The following NEK1 variants were observed in gnomAD, a reference collection of about 807,000 sequenced individuals.
NEK1 encodes the protein NIMA related kinase 1, also known as serine/threonine-protein kinase Nek1.
Under a neutral mutation model 182.1 loss-of-function variants are expected in NEK1, and 137 were observed. That is an observed-to-expected ratio of 0.75 (90% CI 0.65 to 0.87). NEK1 has a LOEUF of 0.87. NEK1 is among the 40% of genes least tolerant of loss of function. The probability of loss-of-function intolerance (pLI) is 0.00; values close to 1 mark genes in which losing one functional copy is unlikely to be tolerated. For synonymous variants in NEK1, 513 were observed against 492.2 expected (o/e 1.04, Z -0.56); for missense variants, 1,391 against 1,494.4 (o/e 0.93, Z 1.14).
chr4:169,490,331 A>G (rs1237803391), intron 23 of NEK1, among the ~76,000 whole-genome samples: 1 of 152,158 alleles, frequency 6.6e-6, no homozygotes, highest in Admixed American at 6.5e-5. Context: ...TCTATAGGTA[A>G]AATCATCCCC....
chr4:169,558,897 T>C (rs1175703411), intron 16 of NEK1, among the ~76,000 whole-genome samples: 1 of 152,144 alleles, frequency 6.6e-6, no homozygotes, highest in Admixed American at 6.5e-5. Context: ...TATCTTTCTT[T>C]TGGGGAATCT....
chr4:169,600,965 A>C (rs760296728), intron 4 of NEK1, among the ~76,000 whole-genome samples: 15 of 152,230 alleles, frequency 9.9e-5, no homozygotes, highest in African/African-American at 3.6e-4. Context: ...AACTTGAAAT[A>C]TTAAAATTTT....
intron 27 of NEK1, among the ~76,000 whole-genome samples, chr4:169,445,027 G>C (rs1278708665): frequency 1.3e-5 from 2 of 152,078 alleles, no homozygotes; most frequent in African/African-American, 4.8e-5. Flanking sequence ...AAATTAAGAA[G>C]GAAATAAATG....
intron 18 of NEK1, among the ~76,000 whole-genome samples, chr4:169,539,224 T>C (rs753528364): frequency 2.0e-5 from 3 of 152,178 alleles, no homozygotes; most frequent in Admixed American, 6.6e-5. Flanking sequence ...AATGCCTCTG[T>C]AGTGTACCTG....
chr4:169,555,070 A>G (rs1761975230), intron 18 of NEK1: 1 of 152,300 alleles, frequency 6.6e-6, no homozygotes. Flanking sequence ...AAATATGCAT[A>G]TGTGTAAGTC....
chr4:169,492,625 G>C (rs1229681695), intron 23 of NEK1, among the ~76,000 whole-genome samples: 1 of 152,136 alleles, frequency 6.6e-6, no homozygotes, highest in Non-Finnish European at 1.5e-5. Flanking sequence ...TCCAAACTGA[G>C]ATGGCAGTTG....
At chr4:169,437,504 C>T (rs931514946) in intron 28 of NEK1, among the ~76,000 whole-genome samples, 3 of 152,130 alleles carry the variant, frequency 2.0e-5, no homozygotes, top group Non-Finnish European at 4.4e-5. Flanking sequence ...CCCTTTGAAT[C>T]CAGGTTGGGC....
intron 32 of NEK1, among the ~76,000 whole-genome samples, chr4:169,402,308 C>A (rs944463674): frequency 4.6e-5 from 7 of 152,160 alleles, no homozygotes; most frequent in African/African-American, 1.7e-4. Flanking sequence ...TAGCTAGACA[C>A]TATACAAAAG....
intron 31 of NEK1, among the ~76,000 whole-genome samples, chr4:169,410,821 T>G (rs6831487): frequency 0.37 from 56,947 of 152,104 alleles, 11,279 homozygotes; most frequent in African/African-American, 0.49. Flanking sequence ...AAGCAGATCA[T>G]TTTTTTGTCC....
At chr4:169,507,251 T>C in intron 22 of NEK1, 119 bp from the exon 23 acceptor site, 1 of 608,066 alleles carries the variant, frequency 1.6e-6, no homozygotes, top group Non-Finnish European at 2.6e-6. Context: ...GAAGTGTGCA[T>C]GTGGTCTTAG....
intron 23 of NEK1, among the ~76,000 whole-genome samples, chr4:169,495,411 T>G (rs1435219960): frequency 1.3e-5 from 2 of 151,906 alleles, no homozygotes; most frequent in African/African-American, 4.8e-5. Context: ...GACCAGCTAA[T>G]TTTTGTATTT....
At chr4:169,572,226 G>A (rs188182815) in intron 12 of NEK1, among the ~76,000 whole-genome samples, 8 of 152,290 alleles carry the variant, frequency 5.3e-5, no homozygotes, top group Admixed American at 4.6e-4. Context: ...GGAAAGTGAG[G>A]GTGGCTAGGA....
At chr4:169,524,474 A>G (rs554749005) in intron 19 of NEK1, among the ~76,000 whole-genome samples, 2 of 152,044 alleles carry the variant, frequency 1.3e-5, no homozygotes, top group South Asian at 2.1e-4. Flanking sequence ...AAAAAAAAAA[A>G]AAAAAAGAAA....
chr4:169,565,453 A>T (rs1371733679), intron 12 of NEK1, among the ~76,000 whole-genome samples: 7 of 152,214 alleles, frequency 4.6e-5, no homozygotes, highest in African/African-American at 1.7e-4. Flanking sequence ...TTGTTGAAGA[A>T]CAAGAAATAA....
At position 169,508,740 on chromosome 4, in the gene NEK1, T is replaced by G. The variant is rs1180528789; in HGVS notation, c.1749+29A>C. 2.0e-6 allele frequency: 3 copies of G among 1,497,282 alleles called. No homozygotes were observed. The Admixed American group carries it at 6.3e-5, about 31-fold the overall frequency. 92.7% of individuals were successfully genotyped at this position (1,497,282 alleles called of 1,614,324 possible). ...AATAAATTCAAAAATGGCTATGTGA[T>G]GGAGGTAGCGAACATGCGGGAAGCA... On this transcript the variant is annotated intron_variant, in intron 20 of 35. Coordinates refer to ENST00000507142, the MANE Select transcript of NEK1 (RefSeq NM_001199397.3).
At position 169,612,548 on chromosome 4, in the gene NEK1, C is replaced by G. The variant is rs763112279; in HGVS notation, c.-499G>C. On this transcript the variant is annotated 5_prime_UTR_variant, in exon 1 of 36. Coordinates refer to ENST00000507142, the MANE Select transcript of NEK1 (RefSeq NM_001199397.3). ...GAGAGGCCAGGGTAGGGTAAGGACT[C>G]CGCAACCTAGGGTCCCAAAACCCTG... is the stretch of plus-strand genomic sequence containing the variant. The G allele has an allele frequency of 3.9e-5, 6 of 152,174 alleles. No homozygotes were observed. Among genetic ancestry groups the G allele is most frequent in the Non-Finnish European group, 7.3e-5 (5 of 68,102 alleles). The allele number at this position is 152,174 out of a possible 1,614,324, so 9.4% of individuals were successfully genotyped here. A position where few individuals can be genotyped will look rare whatever the true frequency, so the allele number is the denominator to read the frequency against.
intron 31 of NEK1, among the ~76,000 whole-genome samples, chr4:169,409,338 G>T (rs1356323918): frequency 6.6e-6 from 1 of 151,964 alleles, no homozygotes; most frequent in Non-Finnish European, 1.5e-5. Context: ...TAGAGACGGG[G>T]TTTCACCATG....
At chr4:169,477,069 TA>T (rs1747085924) in intron 26 of NEK1, 54 bp downstream of exon 26, 3 of 1,210,150 alleles carry the variant, frequency 2.5e-6, no homozygotes, top group African/African-American at 3.1e-5. Flanking sequence ...GGTTAGTCTA[TA>T]AGTTTACATA....
chr4:169,475,392 A>G (rs1318000621), intron 26 of NEK1, among the ~76,000 whole-genome samples: 1 of 152,220 alleles, frequency 6.6e-6, no homozygotes, highest in African/African-American at 2.4e-5. Flanking sequence ...AATTAGCATT[A>G]GACTAAACAT....
Sources: gnomAD v4.1 joint callset for allele counts (sites outside exome capture counted in the v4.1 genomes callset) on GRCh38, gnomAD v4.1.1 for gene constraint, MANE v1.5 for transcripts, NCBI Gene and HGNC (gene_info 2026-07-23, HGNC 2026-07-21) for gene names.